The following PITPNC1 variants were observed in gnomAD, a reference collection of about 807,000 sequenced individuals.
PITPNC1 encodes phosphatidylinositol transfer protein cytoplasmic 1.
Under a neutral mutation model 44.7 loss-of-function variants are expected in PITPNC1, and 18 were observed. The observed-to-expected ratio is 0.40, with a 90% CI of 0.28 to 0.60. PITPNC1 has a LOEUF of 0.60. Among genes scored for constraint, PITPNC1 ranks in the 20% least tolerant of loss-of-function variants. The pLI is 0.39. For missense variants in PITPNC1, 290 were observed against 418.4 expected (o/e 0.69, Z 2.68); for synonymous variants, 141 against 149.6 (o/e 0.94, Z 0.42).
At chr17:67,560,496 A>G (rs534258562) in intron 4 of PITPNC1, among the ~76,000 whole-genome samples, 5 of 152,356 alleles carry the variant, frequency 3.3e-5, no homozygotes, top group African/African-American at 1.2e-4. Context: ...CAAAGTCAGC[A>G]GTACGTTGGG....
chr17:67,540,181 G>A (rs2040587728), intron 2 of PITPNC1, among the ~76,000 whole-genome samples: 1 of 151,758 alleles, frequency 6.6e-6, no homozygotes, highest in South Asian at 2.1e-4. Flanking sequence ...TTGGCTCATT[G>A]CAATCTCTGC....
At chr17:67,614,091 AAAAAG>A (rs1156359905) in intron 5 of PITPNC1, among the ~76,000 whole-genome samples, 4 of 151,804 alleles carry the variant, frequency 2.6e-5, no homozygotes, top group Non-Finnish European at 4.4e-5. Context: ...TGTCTCAAAA[AAAAAG>A]AAAAGAAAAG....
At chr17:67,581,696 G>C (rs1185001050) in intron 5 of PITPNC1, among the ~76,000 whole-genome samples, 4 of 152,140 alleles carry the variant, frequency 2.6e-5, no homozygotes, top group Non-Finnish European at 4.4e-5. Flanking sequence ...TTCAGCGGCT[G>C]TTGGTTGTCC....
chr17:67,405,589 TTTTC>T lies in PITPNC1; in HGVS notation c.48+27407_48+27410del, dbSNP rs548047279. 4.2e-3 allele frequency among the ~76,000 whole-genome samples: 643 copies of T among 151,844 alleles called. 5 individuals are homozygous for T. The highest frequency in any genetic ancestry group is 0.041 in the South Asian group (196 of 4,792). The stretch of plus-strand genomic sequence containing the variant: ...TAGAATGTTACGAGTTTACTCAACA[TTTTC>T]TTTCTTTCTTTCTTTCTTTTTTTTT... On this transcript the variant is annotated intron_variant, in intron 1 of 8. Transcript: ENST00000581322.
chr17:67,472,332 TAAAAAAAAAAAA>T (rs751090662), intron 1 of PITPNC1, among the ~76,000 whole-genome samples: 26 of 41,416 alleles, frequency 6.3e-4, no homozygotes, highest in Admixed American at 8.4e-4. Flanking sequence ...GCTGTTGAGC[TAAAAAAAAAAAA>T]AAAAAAAAAA....
rs2042999564 is a variant in PITPNC1, at chr17:67,695,652, G to C, written c.*2764G>C. The C allele has an allele frequency of 6.7e-6, 1 of 149,522 alleles. No homozygotes were observed. Among genetic ancestry groups the C allele is most frequent in the South Asian group, 2.1e-4 (1 of 4,782 alleles). The allele number at this position is 149,522 out of a possible 1,614,324, so 9.3% of individuals were successfully genotyped here. ...TATATAAATATAAATATAGTATAGT[G>C]AATCAGACACCATCAGTTTTAAGTC... On this transcript the variant is annotated 3_prime_UTR_variant, in exon 9 of 9. Coordinates refer to ENST00000581322, the MANE Select transcript of PITPNC1 (RefSeq NM_012417.4).
At chr17:67,403,193 G>C (rs923641531) in intron 1 of PITPNC1, among the ~76,000 whole-genome samples, 64 of 119,294 alleles carry the variant, frequency 5.4e-4, no homozygotes, top group African/African-American at 1.6e-3. Flanking sequence ...GACTAGCCTG[G>C]GCAACACAGT....
At chr17:67,533,013 A>G in intron 2 of PITPNC1, 63 bp downstream of exon 2, 1 of 1,292,196 alleles carries the variant, frequency 7.7e-7, no homozygotes, top group South Asian at 1.4e-5. Flanking sequence ...ATGGTGTGAC[A>G]GTGGAGGCAG....
At chr17:67,424,651 C>T (rs1443231466) in intron 1 of PITPNC1, among the ~76,000 whole-genome samples, 2 of 151,908 alleles carry the variant, frequency 1.3e-5, no homozygotes, top group Non-Finnish European at 1.5e-5. Context: ...AGGAAGACTC[C>T]GTCTCACAAA....
rs573583561 is a variant in PITPNC1, at chr17:67,652,219, C to G, written c.463-17289C>G. 2.6e-5 allele frequency among the ~76,000 whole-genome samples: 4 copies of G among 152,330 alleles called. No homozygotes were observed. In the South Asian group the frequency reaches 8.3e-4, roughly 32 times the overall value. On this transcript the variant is annotated intron_variant, in intron 6 of 8. Transcript: ENST00000581322. ...GACTTCATATCTCAGTGAACGTCAGCTAATAAGATTGCCTCCAAGATGCAA... is the reference window on the plus strand; with the variant it reads ...GACTTCATATCTCAGTGAACGTCAGGTAATAAGATTGCCTCCAAGATGCAA...
intron 5 of PITPNC1, among the ~76,000 whole-genome samples, chr17:67,608,877 C>T (rs1488560891): frequency 6.6e-6 from 1 of 151,982 alleles, no homozygotes; most frequent in East Asian, 1.9e-4. Flanking sequence ...GTCCTTGTTG[C>T]TGGGTTTTCC....
chr17:67,590,922 C>T (rs917887334), intron 5 of PITPNC1, among the ~76,000 whole-genome samples: 2 of 150,634 alleles, frequency 1.3e-5, no homozygotes, highest in Non-Finnish European at 3.0e-5. Context: ...CATTGCACTC[C>T]AGCCTGGGCA....
intron 5 of PITPNC1, among the ~76,000 whole-genome samples, chr17:67,603,921 C>T (rs921721382): frequency 2.0e-5 from 3 of 148,828 alleles, no homozygotes; most frequent in African/African-American, 7.5e-5. Flanking sequence ...GGCAACAGAA[C>T]GAGACTCTGT....
At chr17:67,692,073 T>C (rs1206193220) in intron 8 of PITPNC1, among the ~76,000 whole-genome samples, 1 of 152,160 alleles carries the variant, frequency 6.6e-6, no homozygotes, top group East Asian at 1.9e-4. Context: ...GTTTACCCTA[T>C]AAAGGTATAC....
intron 1 of PITPNC1, among the ~76,000 whole-genome samples, chr17:67,466,344 C>T (rs1300324494): frequency 6.6e-6 from 1 of 152,048 alleles, no homozygotes; most frequent in Admixed American, 6.6e-5. Context: ...CCTTTTGTAC[C>T]CCTCTCAATG....
Position 67,640,685 on chromosome 17 carries a change from GAAAAAAA to G in PITPNC1, c.462+8461_462+8467del, listed in dbSNP as rs71139165. On this transcript the variant is annotated intron_variant, in intron 6 of 8. Coordinates refer to ENST00000581322, the MANE Select transcript of PITPNC1 (RefSeq NM_012417.4). ...GACAGAGCGAGACTCTGTTGAAAAAGAAAAAAAAAAAAAAAAAAAAGAGGCCGGGCAC... is the reference window on the plus strand; with the variant it reads ...GACAGAGCGAGACTCTGTTGAAAAAGAAAAAAAAAAAAAGAGGCCGGGCAC... 1.1e-4 allele frequency among the ~76,000 whole-genome samples: 11 copies of G among 100,238 alleles called. No individual in the cohort carries two copies. In the South Asian group the frequency reaches 1.2e-3, roughly 11 times the overall value. 65.8% of individuals were successfully genotyped at this position (100,238 alleles called of 152,430 possible). A position where few individuals can be genotyped will look rare whatever the true frequency, so the allele number is the denominator to read the frequency against.
intron 1 of PITPNC1, among the ~76,000 whole-genome samples, chr17:67,506,531 T>A (rs958160887): frequency 6.6e-6 from 1 of 152,214 alleles, no homozygotes; most frequent in Non-Finnish European, 1.5e-5. Context: ...AATTTTTTTC[T>A]GTTTAAATAA....
intron 2 of PITPNC1, among the ~76,000 whole-genome samples, chr17:67,541,744 A>G (rs2040610829): frequency 6.6e-6 from 1 of 152,220 alleles, no homozygotes; most frequent in African/African-American, 2.4e-5. Context: ...TAACCCGGAA[A>G]AGCTAGACTT....
intron 1 of PITPNC1, among the ~76,000 whole-genome samples, chr17:67,520,560 C>T (rs1210210171): frequency 6.6e-6 from 1 of 152,182 alleles, no homozygotes; most frequent in Non-Finnish European, 1.5e-5. Flanking sequence ...AAGAAATCCC[C>T]CTCTTTGCCA....
Sources: allele counts gnomAD v4.1 joint callset (sites outside exome capture counted in the v4.1 genomes callset), GRCh38; gene constraint gnomAD v4.1.1; transcripts MANE v1.5; gene names NCBI Gene and HGNC (gene_info 2026-07-23, HGNC 2026-07-21).